The following TAOK1 variants were observed in gnomAD, a reference collection of about 807,000 sequenced individuals.
The protein encoded by TAOK1 is serine/threonine-protein kinase TAO1.
A neutral mutation model predicts 138.3 loss-of-function variants in TAOK1; 21 were observed. That is an observed-to-expected ratio of 0.15 (90% CI 0.11 to 0.22). TAOK1 has a LOEUF of 0.22. TAOK1 is among the 10% of genes least tolerant of loss of function. The pLI is 1.00. For missense variants in TAOK1, 651 were observed against 1,227.7 expected, an observed-to-expected ratio of 0.53 and a Z score of 7.02; for synonymous variants, 361 against 398.4, an observed-to-expected ratio of 0.91 and a Z score of 1.12.
Position 29,390,504 on chromosome 17 carries a change from G to A in TAOK1, c.-615G>A, listed in dbSNP as rs1417100618. 1.3e-5 allele frequency: 2 copies of A among 152,418 alleles called. No homozygotes were observed. The highest frequency in any genetic ancestry group is 2.4e-5 in the African/African-American group (1 of 41,420). The allele number at this position is 152,418 out of a possible 1,614,324, so 9.4% of individuals were successfully genotyped here. On this transcript the variant is annotated 5_prime_UTR_variant, in exon 1 of 20. Coordinates refer to ENST00000261716, the MANE Select transcript of TAOK1 (RefSeq NM_020791.4). ...CGCCCTTCGCGGGCCGAAAGCACTAGGCACTCGCGAACATCTGAGGCCTCC... is the reference window on the plus strand; with the variant it reads ...CGCCCTTCGCGGGCCGAAAGCACTAAGCACTCGCGAACATCTGAGGCCTCC...
At chr17:29,397,122 T>C (rs8068172) in intron 1 of TAOK1, among the ~76,000 whole-genome samples, 91,978 of 147,616 alleles carry the variant, frequency 0.62, 29,557 homozygotes, top group East Asian at 0.97. Context: ...TGGCGAAACC[T>C]CGTCTCTACT....
At chr17:29,532,639 T>C (rs1329510337) in intron 18 of TAOK1, among the ~76,000 whole-genome samples, 1 of 152,140 alleles carries the variant, frequency 6.6e-6, no homozygotes, top group African/African-American at 2.4e-5. Flanking sequence ...ACAACACATG[T>C]TTCGGAGAGT....
chr17:29,443,297 T>A (rs2029993417), intron 1 of TAOK1, among the ~76,000 whole-genome samples: 1 of 152,216 alleles, frequency 6.6e-6, no homozygotes, highest in South Asian at 2.1e-4. Context: ...TAATACTGAA[T>A]GTGCTGTAAT....
chr17:29,536,058 C>A (rs947799522), intron 19 of TAOK1, among the ~76,000 whole-genome samples: 1 of 151,318 alleles, frequency 6.6e-6, no homozygotes, highest in African/African-American at 2.4e-5. Context: ...TTTGGGAGGC[C>A]GAGGGTTGGG....
At position 29,550,590 on chromosome 17, in the gene TAOK1, A is replaced by C. The variant is rs1227778065; in HGVS notation, c.*7568A>C. ...AAACAGCTTTGCTTGTATTGTGAAG[A>C]TTTAAAAACAAACTTGAGATTTTTA... is the stretch of plus-strand genomic sequence containing the variant. On this transcript the variant is annotated 3_prime_UTR_variant, in exon 20 of 20. Coordinates refer to ENST00000261716, the MANE Select transcript of TAOK1 (RefSeq NM_020791.4). The C allele has an allele frequency of 1.3e-5, 2 of 152,214 alleles. No homozygotes were observed. The highest frequency in any genetic ancestry group is 6.5e-5 in the Admixed American group (1 of 15,286). The allele number at this position is 152,214 out of a possible 1,614,324, so 9.4% of individuals were successfully genotyped here. A position where few individuals can be genotyped will look rare whatever the true frequency, so the allele number is the denominator to read the frequency against.
chr17:29,473,615 T>G (rs1033554233), intron 3 of TAOK1, among the ~76,000 whole-genome samples: 1 of 151,548 alleles, frequency 6.6e-6, no homozygotes, highest in Non-Finnish European at 1.5e-5. Context: ...AAAAAAAATC[T>G]GTTGCGTAAT....
At chr17:29,485,545 G>A (rs2031154725) in intron 8 of TAOK1, among the ~76,000 whole-genome samples, 1 of 152,128 alleles carries the variant, frequency 6.6e-6, no homozygotes, top group South Asian at 2.1e-4. Flanking sequence ...AGGCAGAGGT[G>A]GACGACCCCC....
chr17:29,451,797 T>G, intron 2 of TAOK1, 117 bp downstream of exon 2: 1 of 1,249,170 alleles, frequency 8.0e-7, no homozygotes, highest in Non-Finnish European at 1.1e-6. Context: ...GTCACTTGCA[T>G]AGGGGGAAGA....
At chr17:29,508,746 G>A (rs2031668336) in intron 14 of TAOK1, among the ~76,000 whole-genome samples, 1 of 152,158 alleles carries the variant, frequency 6.6e-6, no homozygotes, top group Non-Finnish European at 1.5e-5. Flanking sequence ...AAGATTATAA[G>A]TTATGAAAGA....
chr17:29,488,164 G>A (rs1391183287), intron 8 of TAOK1, among the ~76,000 whole-genome samples: 2 of 152,174 alleles, frequency 1.3e-5, no homozygotes, highest in African/African-American at 2.4e-5. Flanking sequence ...CATATAAAAC[G>A]GTGTAGTTTT....
chr17:29,495,109 A>G (rs1442659832), intron 10 of TAOK1, among the ~76,000 whole-genome samples: 1 of 152,208 alleles, frequency 6.6e-6, no homozygotes, highest in Non-Finnish European at 1.5e-5. Context: ...TATAAAGAAT[A>G]TTGTTCACGC....
At chr17:29,542,501 C>A in intron 19 of TAOK1, 60 bp from the exon 20 acceptor site, 1 of 1,436,254 alleles carries the variant, frequency 7.0e-7, no homozygotes, top group Non-Finnish European at 9.4e-7. Flanking sequence ...TTATTGCTTC[C>A]TTTCTTTATA....
intron 4 of TAOK1, among the ~76,000 whole-genome samples, chr17:29,477,135 G>A (rs898835521): frequency 2.0e-5 from 3 of 152,120 alleles, no homozygotes; most frequent in South Asian, 2.1e-4. Context: ...ATGAGCCACC[G>A]TGCCCAGCCA....
chr17:29,413,351 C>G (rs1354061054), intron 1 of TAOK1, among the ~76,000 whole-genome samples: 1 of 152,112 alleles, frequency 6.6e-6, no homozygotes, highest in Non-Finnish European at 1.5e-5. Flanking sequence ...AAGCCCAGCA[C>G]TTTGGGAGGC....
intron 3 of TAOK1, among the ~76,000 whole-genome samples, chr17:29,472,573 C>CTTTTT (rs34588170): frequency 8.9e-6 from 1 of 111,746 alleles, no homozygotes; most frequent in Non-Finnish European, 1.8e-5. Flanking sequence ...TTCTTTCTTT[C>CTTTTT]TTTTTTTTTT....
At chr17:29,397,604 C>CA (rs1904655785) in intron 1 of TAOK1, among the ~76,000 whole-genome samples, 2 of 49,320 alleles carry the variant, frequency 4.1e-5, no homozygotes, top group South Asian at 1.5e-3. Flanking sequence ...TTCCGTCCCC[C>CA]CCCAAAAAAA....
chr17:29,414,386 A>C (rs1905218245), intron 1 of TAOK1, among the ~76,000 whole-genome samples: 1 of 148,358 alleles, frequency 6.7e-6, no homozygotes, highest in Non-Finnish European at 1.5e-5. Flanking sequence ...AGTAGCTGGG[A>C]TTACAGGCAC....
chr17:29,409,033 T>G (rs1463141203), intron 1 of TAOK1, among the ~76,000 whole-genome samples: 1 of 152,110 alleles, frequency 6.6e-6, no homozygotes, highest in Non-Finnish European at 1.5e-5. Flanking sequence ...TTTCTATTGC[T>G]GTATATGAGA....
intron 3 of TAOK1, among the ~76,000 whole-genome samples, chr17:29,471,017 T>G (rs1209701407): frequency 6.6e-6 from 1 of 151,972 alleles, no homozygotes; most frequent in African/African-American, 2.4e-5. Context: ...TCCAAGGTAC[T>G]TGGGAGGCTG....
Sources: allele counts gnomAD v4.1 joint callset (sites outside exome capture counted in the v4.1 genomes callset), GRCh38; gene constraint gnomAD v4.1.1; transcripts MANE v1.5; gene names NCBI Gene and HGNC (gene_info 2026-07-23, HGNC 2026-07-21).